The following ARHGEF33 variants were observed in gnomAD, a reference collection of about 807,000 sequenced individuals.
ARHGEF33 encodes DH and coiled-coil domain-containing protein ENSP00000381780.
In ARHGEF33, 72 loss-of-function variants were observed where a neutral mutation model predicts 101.9. The ratio of observed to expected loss-of-function variants is 0.71; its 90% CI spans 0.58 to 0.86. The LOEUF is 0.86. Ranked by LOEUF, ARHGEF33 falls within the 40% of genes least tolerant of loss-of-function variation. The probability of loss-of-function intolerance (pLI) is 0.00; values close to 1 mark genes in which losing one functional copy is unlikely to be tolerated. For synonymous variants in ARHGEF33, 499 were observed against 442.5 expected, an observed-to-expected ratio of 1.13 and a Z score of -1.60; for missense variants, 1,169 against 1,111.3, an observed-to-expected ratio of 1.05 and a Z score of -0.74.
At chr2:38,914,447 C>G (rs1175384766) in intron 2 of ARHGEF33, among the ~76,000 whole-genome samples, 3 of 152,172 alleles carry the variant, frequency 2.0e-5, no homozygotes, top group Non-Finnish European at 4.4e-5. Flanking sequence ...CCAAGCGGAT[C>G]ACCTGAAGTC....
At chr2:38,937,677 T>G in intron 9 of ARHGEF33, 118 bp downstream of exon 9, 1 of 652,000 alleles carries the variant, frequency 1.5e-6, no homozygotes, top group Non-Finnish European at 2.7e-6. Context: ...GGCCACCTAG[T>G]TCCTGGTTTC....
intron 2 of ARHGEF33, among the ~76,000 whole-genome samples, chr2:38,897,273 G>C (rs1666142975): frequency 6.6e-6 from 1 of 152,140 alleles, no homozygotes; most frequent in Admixed American, 6.6e-5. Flanking sequence ...GATTTTCACA[G>C]TATCACACTT....
intron 11 of ARHGEF33, among the ~76,000 whole-genome samples, chr2:38,951,731 TAC>T (rs1667612711): frequency 6.6e-6 from 1 of 151,378 alleles, no homozygotes; most frequent in Non-Finnish European, 1.5e-5. Context: ...ATGAGATATA[TAC>T]ACACACATGC....
At chr2:38,926,192 T>A (rs756660179) in intron 4 of ARHGEF33, among the ~76,000 whole-genome samples, 1 of 152,114 alleles carries the variant, frequency 6.6e-6, no homozygotes, top group Non-Finnish European at 1.5e-5. Flanking sequence ...GATGGAGGGA[T>A]CATAACCTCT....
At chr2:38,961,768 A>C (rs559984741) in intron 16 of ARHGEF33, among the ~76,000 whole-genome samples, 1 of 152,174 alleles carries the variant, frequency 6.6e-6, no homozygotes, top group Admixed American at 6.5e-5. Flanking sequence ...GTGGGAGCAC[A>C]TGGGAAGGAT....
intron 9 of ARHGEF33, among the ~76,000 whole-genome samples, chr2:38,942,263 G>A (rs768413050): frequency 9.4e-5 from 14 of 149,126 alleles, no homozygotes; most frequent in Non-Finnish European, 1.9e-4. Context: ...TGCCTCCCGG[G>A]TTCAAACTAT....
At chr2:38,935,245 A>G (rs565664089) in intron 7 of ARHGEF33, among the ~76,000 whole-genome samples, 1 of 151,820 alleles carries the variant, frequency 6.6e-6, no homozygotes, top group African/African-American at 2.4e-5. Flanking sequence ...CAGTGTCACA[A>G]TCTTAGCTCA....
chr2:38,957,115 C>T, intron 14 of ARHGEF33, 68 bp downstream of exon 14: 1 of 1,511,956 alleles, frequency 6.6e-7, no homozygotes, highest in Non-Finnish European at 9.0e-7. Context: ...CACAAGTAAC[C>T]ACGTTGTGTG....
rs1299893570 is a variant in ARHGEF33 at position 38,942,726 on chromosome 2, AT to A, written c.791-1174del. The stretch of plus-strand genomic sequence containing the variant: ...TGTTTCTTCAGGGTCCCCCCTCCTT[AT>A]AAAAAAAATACGTATATATGCTTTT... On this transcript the variant is annotated intron_variant, in intron 9 of 17. Coordinates refer to ENST00000409978, the MANE Select transcript of ARHGEF33 (RefSeq NM_001145451.5). Among the ~76,000 whole-genome samples the A allele has an allele frequency of 3.3e-5, 5 of 151,974 alleles. No homozygotes were observed. The South Asian group carries it at 1.0e-3, about 32-fold the overall frequency.
chr2:38,954,921 G>T lies in ARHGEF33; in HGVS notation c.1221+465G>T, dbSNP rs7580984. On this transcript the variant is annotated intron_variant, in intron 13 of 17. Transcript: ENST00000409978. ...AGTGGTGGGATTACAGGTGTGAGCC[G>T]CTGCAGCCAGCCTAAAATCTTTATT... is the stretch of plus-strand genomic sequence containing the variant. 4.5e-3 allele frequency among the ~76,000 whole-genome samples: 678 copies of T among 152,142 alleles called. 3 individuals are homozygous for T. Among genetic ancestry groups the T allele is most frequent in the African/African-American group, 0.016 (651 of 41,504 alleles).
At chr2:38,926,345 T>C (rs1342457445) in intron 4 of ARHGEF33, among the ~76,000 whole-genome samples, 2 of 152,228 alleles carry the variant, frequency 1.3e-5, no homozygotes, top group African/African-American at 4.8e-5. Context: ...AAAAAAGATG[T>C]TAAGATCGTG....
intron 2 of ARHGEF33, among the ~76,000 whole-genome samples, chr2:38,911,437 C>G (rs1368015296): frequency 6.6e-6 from 1 of 152,166 alleles, no homozygotes; most frequent in Non-Finnish European, 1.5e-5. Context: ...CTTTCCTTTT[C>G]TGTCACAGCA....
chr2:38,929,907 C>G (rs998800118), intron 6 of ARHGEF33, 77 bp downstream of exon 6: 100 of 1,323,610 alleles, frequency 7.6e-5, no homozygotes, highest in Non-Finnish European at 1.0e-4. Context: ...TACACATTCC[C>G]CACTATCAGT....
At chr2:38,937,211 G>A (rs1667163894) in intron 8 of ARHGEF33, 124 bp from the exon 9 acceptor site, 3 of 614,342 alleles carry the variant, frequency 4.9e-6, no homozygotes, top group East Asian at 2.8e-5. Flanking sequence ...AGCCAGGATG[G>A]TCTCAATCTC....
At chr2:38,929,197 G>A (rs917649359) in intron 5 of ARHGEF33, 126 bp downstream of exon 5, 29 of 611,252 alleles carry the variant, frequency 4.7e-5, no homozygotes, top group African/African-American at 2.5e-4. Context: ...TTGGGAGGCC[G>A]AGGCAGGTAG....
In ARHGEF33 at chr2:38,914,074, C is replaced by A. The variant is rs138221008; in HGVS notation, c.-85-5289C>A. On this transcript the variant is annotated intron_variant, in intron 2 of 17. Transcript: ENST00000409978. ...AAACTATCACTTGTCACCCATCTGA[C>A]CAACAAGAACTAAAAATGTTAACAT... 1.9e-4 allele frequency among the ~76,000 whole-genome samples: 29 copies of A among 152,218 alleles called. No individual in the cohort carries two copies. In the East Asian group the frequency reaches 4.6e-3, roughly 24 times the overall value.
At chr2:38,898,112 A>G (rs767777546) in intron 2 of ARHGEF33, among the ~76,000 whole-genome samples, 32 of 152,226 alleles carry the variant, frequency 2.1e-4, no homozygotes, top group Admixed American at 9.8e-4. Context: ...AATCATCATG[A>G]GAATAGTAAT....
At chr2:38,921,817 C>A (rs376641028) in intron 4 of ARHGEF33, among the ~76,000 whole-genome samples, 4 of 152,196 alleles carry the variant, frequency 2.6e-5, no homozygotes, top group Admixed American at 2.6e-4. Context: ...CTGCTGCCCC[C>A]ATCGCCATGG....
At chr2:38,969,722 A>G (rs567403691) in intron 17 of ARHGEF33, 1 of 152,660 alleles carries the variant, frequency 6.6e-6, no homozygotes, top group African/African-American at 2.4e-5. Context: ...AAGGCTACAT[A>G]TCTTAAAGTT....
Sources: allele counts gnomAD v4.1 joint callset (sites outside exome capture counted in the v4.1 genomes callset), GRCh38; gene constraint gnomAD v4.1.1; transcripts MANE v1.5; gene names NCBI Gene and HGNC (gene_info 2026-07-23, HGNC 2026-07-21).